ADRA1A: variants seen among roughly 807,000 people sequenced by gnomAD.
ADRA1A encodes alpha-1A adrenergic receptor.
A neutral mutation model predicts 29.6 loss-of-function variants in ADRA1A; 31 were observed. The observed-to-expected ratio is 1.05, with a 90% CI of 0.79 to 1.41. The LOEUF is 1.41. Ranked by LOEUF, ADRA1A falls within the 40% of genes most tolerant of loss-of-function variation. The probability of loss-of-function intolerance (pLI) is 0.00; values close to 1 mark genes in which losing one functional copy is unlikely to be tolerated. For missense variants in ADRA1A, 619 were observed against 601.1 expected (o/e 1.03, Z -0.31); for synonymous variants, 311 against 254.3 (o/e 1.22, Z -2.12).
intron 2 of ADRA1A, among the ~76,000 whole-genome samples, chr8:26,812,637 AT>A (rs1251185706): frequency 2.3e-4 from 35 of 149,278 alleles, no homozygotes; most frequent in Admixed American, 2.1e-3. Flanking sequence ...ATTTTTATTT[AT>A]TTATTTATTT....
rs766250265 is a variant in ADRA1A at position 26,863,975 on chromosome 8, T to G, written c.883+112A>C. The G allele has an allele frequency of 7.8e-4, 869 of 1,119,278 alleles. 1 individual carries two copies. Among genetic ancestry groups the G allele is most frequent in the Non-Finnish European group, 1.0e-3 (810 of 792,864 alleles). The allele number at this position is 1,119,278 out of a possible 1,614,324, so 69.3% of individuals were successfully genotyped here. A position where few individuals can be genotyped will look rare whatever the true frequency, so the allele number is the denominator to read the frequency against. ...TTTTCTAATTGCCCTAGAGCTGTGCTGTTTGAAATGCTAATCCTTCCTCTT... is the reference window on the plus strand; with the variant it reads ...TTTTCTAATTGCCCTAGAGCTGTGCGGTTTGAAATGCTAATCCTTCCTCTT... On this transcript the variant is annotated intron_variant, in intron 2 of 2. Coordinates refer to ENST00000380573, the MANE Select transcript of ADRA1A (RefSeq NM_000680.4).
At position 26,769,747 on chromosome 8, in the gene ADRA1A, T is replaced by A. The variant is rs1806000202; in HGVS notation, c.*402A>T. 6.0e-6 allele frequency: 6 copies of A among 992,350 alleles called. No homozygotes were observed. The highest frequency in any genetic ancestry group is 7.2e-6 in the Non-Finnish European group (6 of 834,840). The allele number at this position is 992,350 out of a possible 1,614,324, so 61.5% of individuals were successfully genotyped here. On this transcript the variant is annotated 3_prime_UTR_variant, in exon 3 of 3. Transcript: ENST00000380573. ...GCTGTCAGTAGGTTGAGCCTGAAAA[T>A]AAAATCCCCTCACTTCCATCAAGAA...
In ADRA1A at chr8:26,787,746, C is replaced by T. The variant is rs181091913; in HGVS notation, c.884-17080G>A. 6.6e-6 allele frequency among the ~76,000 whole-genome samples: 1 copy of T among 151,986 alleles called. No individual in the cohort carries two copies. On this transcript the variant is annotated intron_variant, in intron 2 of 2. Coordinates refer to ENST00000380573, the MANE Select transcript of ADRA1A (RefSeq NM_000680.4). The surrounding 1 kb of genome is among the most constrained non-coding windows in gnomAD (Gnocchi z 4.2). The stretch of plus-strand genomic sequence containing the variant: ...GTTCAGGGATGAGGGCAAGATTGTT[C>T]CCTTTTCTGTGCCTCAGTTTCCTGG...
At chr8:26,819,874 C>G (rs544697586) in intron 2 of ADRA1A, among the ~76,000 whole-genome samples, 7 of 152,194 alleles carry the variant, frequency 4.6e-5, no homozygotes, top group African/African-American at 1.7e-4. Flanking sequence ...CTAACTTTAG[C>G]TTTAAAGACA....
At chr8:26,778,487 T>A (rs1229341564) in intron 2 of ADRA1A, among the ~76,000 whole-genome samples, 1 of 152,170 alleles carries the variant, frequency 6.6e-6, no homozygotes, top group Non-Finnish European at 1.5e-5. Flanking sequence ...TTTACTAAGG[T>A]CACCATTGTT....
chr8:26,776,210 A>G (rs1384436227), intron 2 of ADRA1A, among the ~76,000 whole-genome samples: 2 of 152,226 alleles, frequency 1.3e-5, no homozygotes, highest in Non-Finnish European at 2.9e-5. Flanking sequence ...GTAGGAACTG[A>G]GTTCTCGAAT....
chr8:26,825,782 G>A lies in ADRA1A; in HGVS notation c.883+38305C>T, dbSNP rs139051882. Among the ~76,000 whole-genome samples the A allele has an allele frequency of 2.3e-3, 355 of 152,236 alleles. 2 individuals are homozygous for A. Among genetic ancestry groups the A allele is most frequent in the Admixed American group, 3.5e-3 (53 of 15,294 alleles). On this transcript the variant is annotated intron_variant, in intron 2 of 2. Transcript: ENST00000380573. The surrounding 1 kb of genome is among the most constrained non-coding windows in gnomAD (Gnocchi z 5.7). ...AGGAACAGTCTCCCTTGTATCCTGCGGGCATTCTGGTTCGATACTAGGCAC... is the reference window on the plus strand; with the variant it reads ...AGGAACAGTCTCCCTTGTATCCTGCAGGCATTCTGGTTCGATACTAGGCAC...
chr8:26,802,961 A>G (rs573054085), intron 2 of ADRA1A, among the ~76,000 whole-genome samples: 13 of 152,280 alleles, frequency 8.5e-5, no homozygotes, highest in African/African-American at 2.9e-4. Flanking sequence ...GTTAAGTGAA[A>G]TAAGCCAGGC....
chr8:26,867,312 C>A, upstream of ADRA1A: 1 of 985,404 alleles, frequency 1.0e-6, no homozygotes, highest in South Asian at 4.7e-5. Flanking sequence ...TAATCTCCTG[C>A]TGCTACCGTA....
In ADRA1A at chr8:26,866,895, A is replaced by G; in HGVS notation, c.-687+41T>C. The G allele has an allele frequency of 1.0e-6, 1 of 985,422 alleles. No homozygotes were observed. Among genetic ancestry groups the G allele is most frequent in the Non-Finnish European group, 1.2e-6 (1 of 830,018 alleles). The allele number at this position is 985,422 out of a possible 1,614,324, so 61.0% of individuals were successfully genotyped here. ...CAGACGGCGGGGGAGGTCTGCCCTC[A>G]CCCACTCGGCCCTGCGGGACGCCGG... On this transcript the variant is annotated intron_variant, in intron 1 of 2. Transcript: ENST00000380573. This position sits in a 1 kb window ranked among gnomAD's most constrained non-coding sequence, Gnocchi z 5.7.
Position 26,867,042 on chromosome 8 carries a change from T to C in ADRA1A, c.-793A>G. 9.1e-6 allele frequency: 9 copies of C among 985,370 alleles called. No homozygotes were observed. Among genetic ancestry groups the C allele is most frequent in the Non-Finnish European group, 1.1e-5 (9 of 829,970 alleles). 61.0% of individuals were successfully genotyped at this position (985,370 alleles called of 1,614,324 possible). A position where few individuals can be genotyped will look rare whatever the true frequency, so the allele number is the denominator to read the frequency against. On this transcript the variant is annotated 5_prime_UTR_variant, in exon 1 of 3. Transcript: ENST00000380573. ...TTCTCTGGAGGCGGAGAGGGGACCG[T>C]GTCTCCGAGGCACCAAATCCTTGTC... is the stretch of plus-strand genomic sequence containing the variant.
At chr8:26,779,417 C>T (rs1324362748) in intron 2 of ADRA1A, 1 of 702,110 alleles carries the variant, frequency 1.4e-6, no homozygotes, top group East Asian at 2.7e-5. Flanking sequence ...CTTCTTGGGC[C>T]TCAGTTTCCT....
At chr8:26,855,608 T>C (rs753334385) in intron 2 of ADRA1A, among the ~76,000 whole-genome samples, 6 of 151,988 alleles carry the variant, frequency 3.9e-5, no homozygotes, top group Non-Finnish European at 7.4e-5. Context: ...AGGGAGAGCA[T>C]TAGGACAAAT....
chr8:26,833,015 T>A (rs1811101403), intron 2 of ADRA1A, among the ~76,000 whole-genome samples: 1 of 152,236 alleles, frequency 6.6e-6, no homozygotes, highest in African/African-American at 2.4e-5. Flanking sequence ...GAAGGCACAC[T>A]GCAGCGCCCA....
At chr8:26,844,737 G>C (rs934370211) in intron 2 of ADRA1A, among the ~76,000 whole-genome samples, 1 of 152,060 alleles carries the variant, frequency 6.6e-6, no homozygotes, top group Non-Finnish European at 1.5e-5. Flanking sequence ...AACTCAAAAT[G>C]GATCAAGGAC....
intron 2 of ADRA1A, among the ~76,000 whole-genome samples, chr8:26,773,353 A>C (rs1233238490): frequency 6.6e-6 from 1 of 152,180 alleles, no homozygotes; most frequent in Non-Finnish European, 1.5e-5. Flanking sequence ...AACATGACTG[A>C]TGGTTTTGTG....
chr8:26,751,158 T>C (rs1804907725), intron 2 of ADRA1A, among the ~76,000 whole-genome samples: 1 of 152,068 alleles, frequency 6.6e-6, no homozygotes, highest in Admixed American at 6.6e-5. Flanking sequence ...TGCAGTGTGG[T>C]ATGTGATAGG....
chr8:26,770,569 T>C lies in ADRA1A; in HGVS notation c.981A>G (p.Pro327=). ...CCTTTTTGAACTCTTGGCTGGAGCA[T>C]GGGTATATGATGGGGTTGATGCAGC... ...LNSCINPIIY[P]CSSQEFKKAF... The change falls in exon 3 of 3, where the codon CCA becomes CCG. Residue 327 remains proline, a synonymous_variant. Coordinates refer to ENST00000380573, the MANE Select transcript of ADRA1A (RefSeq NM_000680.4). 6.2e-7 allele frequency: 1 copy of C among 1,614,146 alleles called. No individual in the cohort carries two copies. The highest frequency in any genetic ancestry group is 1.6e-4 in the Middle Eastern group (1 of 6,062).
intron 2 of ADRA1A, among the ~76,000 whole-genome samples, chr8:26,798,666 T>C (rs61761838): frequency 0.026 from 3,910 of 152,266 alleles, 76 homozygotes; most frequent in Middle Eastern, 0.061. Flanking sequence ...TATCTGCCTG[T>C]GAAAAAGACA....
Sources: gnomAD v4.1 joint callset for allele counts (sites outside exome capture counted in the v4.1 genomes callset) on GRCh38, gnomAD v4.1.1 for gene constraint, Gnocchi (gnomAD v3.1) non-coding constraint, MANE v1.5 for transcripts, NCBI Gene and HGNC (gene_info 2026-07-23, HGNC 2026-07-21) for gene names.